The following ARHGEF28 variants were observed in gnomAD, a reference collection of about 807,000 sequenced individuals.
ARHGEF28 encodes the protein 190 kDa guanine nucleotide exchange factor.
Under a neutral mutation model 206.6 loss-of-function variants are expected in ARHGEF28, and 152 were observed. That is an observed-to-expected ratio of 0.74 (90% CI 0.64 to 0.84). The LOEUF is 0.84. Ranked by LOEUF, ARHGEF28 falls within the 40% of genes least tolerant of loss-of-function variation. ARHGEF28 has a pLI of 0.00. For synonymous variants in ARHGEF28, 763 were observed against 776.4 expected (o/e 0.98, Z 0.29); for missense variants, 2,028 against 2,073.2 (o/e 0.98, Z 0.42).
At chr5:73,829,728 G>A (rs1300730335) in intron 9 of ARHGEF28, among the ~76,000 whole-genome samples, 2 of 151,884 alleles carry the variant, frequency 1.3e-5, no homozygotes, top group African/African-American at 4.8e-5. Context: ...ATGTACAGTG[G>A]GGATAAGATT....
intron 26 of ARHGEF28, among the ~76,000 whole-genome samples, chr5:73,888,622 A>T (rs1044787791): frequency 2.6e-5 from 4 of 152,244 alleles, no homozygotes; most frequent in African/African-American, 9.6e-5. Flanking sequence ...GGATGATATT[A>T]CCGGACAGAT....
chr5:73,923,041 G>A (rs1763604161), intron 35 of ARHGEF28: 1 of 1,492,712 alleles, frequency 6.7e-7, no homozygotes, highest in African/African-American at 1.4e-5. Flanking sequence ...AAAATGTGAT[G>A]GTCTGTTAGT....
At chr5:73,819,724 A>G (rs1280311061) in intron 9 of ARHGEF28, among the ~76,000 whole-genome samples, 3 of 152,100 alleles carry the variant, frequency 2.0e-5, no homozygotes, top group African/African-American at 4.8e-5. Flanking sequence ...TGGATGCTTA[A>G]TTCTTTTAGT....
At chr5:73,930,649 G>A (rs1256685079) in intron 35 of ARHGEF28, among the ~76,000 whole-genome samples, 1 of 152,186 alleles carries the variant, frequency 6.6e-6, no homozygotes, top group African/African-American at 2.4e-5. Flanking sequence ...TACTCAAAAT[G>A]TGATTGACTA....
chr5:73,923,052 C>T, intron 35 of ARHGEF28: 1 of 1,517,712 alleles, frequency 6.6e-7, no homozygotes, highest in South Asian at 1.2e-5. Flanking sequence ...GTCTGTTAGT[C>T]AGCATCTGGT....
chr5:73,752,382 T>A (rs1462402719), intron 3 of ARHGEF28, among the ~76,000 whole-genome samples: 1 of 152,120 alleles, frequency 6.6e-6, no homozygotes, highest in East Asian at 1.9e-4. Flanking sequence ...TAGATATGTA[T>A]ATATATATTT....
rs76981012 is a variant in ARHGEF28 at position 73,932,247 on chromosome 5, G to C, written c.4949-8597G>C. 3.3e-3 allele frequency among the ~76,000 whole-genome samples: 508 copies of C among 152,278 alleles called. 2 individuals carry two copies. The highest frequency in any genetic ancestry group is 0.02 in the East Asian group (106 of 5,188). On this transcript the variant is annotated intron_variant, in intron 35 of 35. Coordinates refer to ENST00000513042, the MANE Select transcript of ARHGEF28 (RefSeq NM_001177693.2). Reference sequence around the variant, plus strand: ...TAGTTTTTCTCATAATAACAGTTCTGTCCCTCACTTCATTCTGACATACTT... The same window carrying C: ...TAGTTTTTCTCATAATAACAGTTCTCTCCCTCACTTCATTCTGACATACTT...
chr5:73,896,669 A>G (rs761869181), intron 29 of ARHGEF28, among the ~76,000 whole-genome samples: 17 of 152,374 alleles, frequency 1.1e-4, no homozygotes, highest in Middle Eastern at 3.4e-3. Flanking sequence ...AATAAAGTCA[A>G]GAAGAAACTT....
At chr5:73,736,661 A>T (rs373681284) in intron 2 of ARHGEF28, among the ~76,000 whole-genome samples, 29 of 152,324 alleles carry the variant, frequency 1.9e-4, no homozygotes, top group African/African-American at 7.0e-4. Flanking sequence ...TCTGTTAGGA[A>T]ATGAGAAATT....
At chr5:73,818,743 T>C (rs1756389097) in intron 9 of ARHGEF28, among the ~76,000 whole-genome samples, 1 of 152,212 alleles carries the variant, frequency 6.6e-6, no homozygotes, top group Non-Finnish European at 1.5e-5. Context: ...GTTAAACAAA[T>C]ACTTTGCCAA....
intron 1 of ARHGEF28, among the ~76,000 whole-genome samples, chr5:73,644,675 A>G (rs964904451): frequency 1.3e-5 from 2 of 152,106 alleles, no homozygotes; most frequent in African/African-American, 4.8e-5. Context: ...CCTTTTGCTT[A>G]TCATTTATTT....
At chr5:73,891,931 T>C in intron 26 of ARHGEF28, 121 bp from the exon 27 acceptor site, 3 of 867,618 alleles carry the variant, frequency 3.5e-6, no homozygotes, top group Non-Finnish European at 3.5e-6. Context: ...ACAGCTCTTT[T>C]GAAAAGATTG....
At chr5:73,863,989 A>G (rs1320469718) in intron 16 of ARHGEF28, among the ~76,000 whole-genome samples, 2 of 152,046 alleles carry the variant, frequency 1.3e-5, no homozygotes, top group Non-Finnish European at 2.9e-5. Flanking sequence ...GCTTTGATGG[A>G]CCAACATGGG....
At chr5:73,696,211 G>C (rs1236212371) in intron 2 of ARHGEF28, among the ~76,000 whole-genome samples, 2 of 152,184 alleles carry the variant, frequency 1.3e-5, no homozygotes, top group African/African-American at 2.4e-5. Flanking sequence ...TCCAGGCAAT[G>C]GCTGTGGTCA....
chr5:73,926,842 G>A (rs996414761), intron 35 of ARHGEF28, among the ~76,000 whole-genome samples: 2 of 152,208 alleles, frequency 1.3e-5, no homozygotes, highest in African/African-American at 4.8e-5. Flanking sequence ...GCTCTGTGAG[G>A]TAATAGGCTT....
At chr5:73,820,296 A>G (rs181738654) in intron 9 of ARHGEF28, among the ~76,000 whole-genome samples, 2 of 152,178 alleles carry the variant, frequency 1.3e-5, no homozygotes, top group Non-Finnish European at 1.5e-5. Flanking sequence ...CTTTACGTAA[A>G]ATATTCAGTG....
At chr5:73,784,068 A>G (rs750910769) in intron 7 of ARHGEF28, among the ~76,000 whole-genome samples, 54 of 152,058 alleles carry the variant, frequency 3.6e-4, no homozygotes, top group Middle Eastern at 3.2e-3. Flanking sequence ...TCCATTCATG[A>G]GTCTGGAGGA....
At chr5:73,844,623 T>TA (rs1337806156) in intron 11 of ARHGEF28, among the ~76,000 whole-genome samples, 15 of 132,162 alleles carry the variant, frequency 1.1e-4, no homozygotes, top group East Asian at 4.6e-4. Flanking sequence ...TATTTCAAAA[T>TA]AAAAAAAAAA....
intron 4 of ARHGEF28, among the ~76,000 whole-genome samples, chr5:73,760,894 C>G (rs1053872517): frequency 2.0e-5 from 3 of 152,164 alleles, no homozygotes; most frequent in Non-Finnish European, 4.4e-5. Context: ...CTTAACTCTT[C>G]CTTAAAAAAT....
Sources: gnomAD v4.1 joint callset for allele counts (sites outside exome capture counted in the v4.1 genomes callset) on GRCh38, gnomAD v4.1.1 for gene constraint, MANE v1.5 for transcripts, NCBI Gene and HGNC (gene_info 2026-07-23, HGNC 2026-07-21) for gene names.